The following GFRA1 variants were observed in gnomAD, a reference collection of about 807,000 sequenced individuals.
GFRA1 encodes GDNF family receptor alpha 1, also known as GDNF family receptor alpha-1.
GFRA1 carries 16 observed loss-of-function variants against 51.6 expected under a neutral mutation model. The observed-to-expected ratio is 0.31, with a 90% CI of 0.21 to 0.47. The LOEUF is 0.47. Among genes scored for constraint, GFRA1 ranks in the 20% least tolerant of loss-of-function variants. The pLI, the probability that GFRA1 is intolerant of heterozygous loss-of-function variation, is 1.00. For missense variants in GFRA1, 530 were observed against 594.3 expected (o/e 0.89, Z 1.13); for synonymous variants, 270 against 241.3 (o/e 1.12, Z -1.10).
chr10:116,171,389 G>A (rs1040584709), intron 5 of GFRA1, among the ~76,000 whole-genome samples: 1 of 152,108 alleles, frequency 6.6e-6, no homozygotes, highest in Non-Finnish European at 1.5e-5. Flanking sequence ...AGAGTAGCTT[G>A]GTAATGACAA....
chr10:116,265,102 A>G (rs1969561300), intron 4 of GFRA1, among the ~76,000 whole-genome samples: 1 of 152,202 alleles, frequency 6.6e-6, no homozygotes. Flanking sequence ...AAGAGGCAAG[A>G]CTCAAAAGAG....
In GFRA1 at chr10:116,232,284, G is replaced by A. The variant is rs567338826; in HGVS notation, c.419-20639C>T. Among the ~76,000 whole-genome samples, 11 of 152,312 alleles carry A rather than the reference G, an allele frequency of 7.2e-5. No individual in the cohort carries two copies. In the South Asian group the frequency reaches 1.7e-3, roughly 23 times the overall value. On this transcript the variant is annotated intron_variant, in intron 4 of 10. Transcript: ENST00000355422. The stretch of plus-strand genomic sequence containing the variant: ...TCCCAAGGAATATGCCTTACAGGGT[G>A]TAATCTGGCATCCCTCCAGAATCTT...
chr10:116,233,327 C>CA lies in GFRA1; in HGVS notation c.419-21683dup, dbSNP rs1225948314. Among the ~76,000 whole-genome samples the CA allele has an allele frequency of 6.5e-3, 912 of 141,028 alleles. 3 individuals carry two copies. The highest frequency in any genetic ancestry group is 8.8e-3 in the Non-Finnish European group (570 of 64,452). The allele number at this position is 141,028 out of a possible 152,430, so 92.5% of individuals were successfully genotyped here. On this transcript the variant is annotated intron_variant, in intron 4 of 10. Transcript: ENST00000355422. ...TGGGCGACAGAGTGAGACTCCATCT[C>CA]AAAAAAAAAAAAAATTTTTTAATTG...
intron 4 of GFRA1, among the ~76,000 whole-genome samples, chr10:116,264,429 G>C (rs923964179): frequency 6.6e-6 from 1 of 152,104 alleles, no homozygotes; most frequent in African/African-American, 2.4e-5. Flanking sequence ...GATGCTTGGT[G>C]CTGAGTTGAC....
chr10:116,149,320 A>C (rs1012620720), intron 5 of GFRA1, among the ~76,000 whole-genome samples: 3 of 152,234 alleles, frequency 2.0e-5, no homozygotes, highest in Non-Finnish European at 4.4e-5. Context: ...CTCTTTGCAC[A>C]TTAAAAATCC....
At chr10:116,206,403 C>G (rs1461059347) in intron 5 of GFRA1, among the ~76,000 whole-genome samples, 3 of 152,258 alleles carry the variant, frequency 2.0e-5, no homozygotes. Flanking sequence ...GAGCTCAAGT[C>G]AAGCTCCTGA....
In GFRA1 at chr10:116,105,308, AAATGGAAAT is replaced by A. The variant is rs1329767293; in HGVS notation, c.771-8553_771-8545del. ...TTTTGTGGCTTTTGGCCACAAGAAA[AAATGGAAAT>A]CTAGATGTTCAATGAATCTTTCACC... On this transcript the variant is annotated intron_variant, in intron 6 of 10. Coordinates refer to ENST00000355422, the MANE Select transcript of GFRA1 (RefSeq NM_005264.8). Among the ~76,000 whole-genome samples the A allele has an allele frequency of 5.3e-5, 8 of 152,330 alleles. No individual in the cohort carries two copies. The East Asian group carries it at 1.2e-3, about 22-fold the overall frequency.
intron 9 of GFRA1, among the ~76,000 whole-genome samples, chr10:116,081,677 C>T (rs1357827021): frequency 1.3e-5 from 2 of 151,976 alleles, no homozygotes; most frequent in African/African-American, 2.4e-5. Context: ...TAATGCCTGG[C>T]CATAAAAAGC....
At chr10:116,163,643 C>A (rs570792886) in intron 5 of GFRA1, among the ~76,000 whole-genome samples, 30 of 152,338 alleles carry the variant, frequency 2.0e-4, no homozygotes, top group Non-Finnish European at 3.4e-4. Flanking sequence ...GGGTGGCCTG[C>A]AGCAGGCCCA....
intron 9 of GFRA1, among the ~76,000 whole-genome samples, chr10:116,070,754 G>A (rs1955345252): frequency 6.9e-6 from 1 of 145,960 alleles, no homozygotes; most frequent in South Asian, 2.1e-4. Flanking sequence ...CTAGAAGTCT[G>A]GAGCCTTTTT....
chr10:116,068,284 A>T (rs1955211085), intron 9 of GFRA1, among the ~76,000 whole-genome samples: 1 of 152,232 alleles, frequency 6.6e-6, no homozygotes, highest in South Asian at 2.1e-4. Flanking sequence ...GGTGCTCGGG[A>T]AAGCCCTACA....
intron 5 of GFRA1, among the ~76,000 whole-genome samples, chr10:116,154,314 ACCAAATAT>A (rs1490884866): frequency 6.6e-6 from 1 of 152,218 alleles, no homozygotes; most frequent in Non-Finnish European, 1.5e-5. Flanking sequence ...ACTGGATACG[ACCAAATAT>A]CCAACTGTAG....
intron 5 of GFRA1, among the ~76,000 whole-genome samples, chr10:116,127,958 G>C (rs1194958779): frequency 6.6e-6 from 1 of 152,190 alleles, no homozygotes; most frequent in Non-Finnish European, 1.5e-5. Flanking sequence ...ATGTTGAATG[G>C]CACTTTATAA....
chr10:116,157,019 T>C (rs1959220666), intron 5 of GFRA1, among the ~76,000 whole-genome samples: 1 of 152,176 alleles, frequency 6.6e-6, no homozygotes, highest in Admixed American at 6.5e-5. Context: ...CTTCAAATGA[T>C]CAGACAACAA....
intron 9 of GFRA1, among the ~76,000 whole-genome samples, chr10:116,089,028 A>C (rs1403217918): frequency 6.6e-6 from 1 of 151,378 alleles, no homozygotes; most frequent in Admixed American, 6.6e-5. Context: ...ATGAAAAATC[A>C]ATAAAAAAGC....
intron 5 of GFRA1, among the ~76,000 whole-genome samples, chr10:116,149,996 G>T (rs987739758): frequency 6.6e-6 from 1 of 152,132 alleles, no homozygotes; most frequent in African/African-American, 2.4e-5. Context: ...AATATTTGCT[G>T]ATGGCTTACT....
At chr10:116,199,587 T>A (rs1047541843) in intron 5 of GFRA1, among the ~76,000 whole-genome samples, 1 of 152,198 alleles carries the variant, frequency 6.6e-6, no homozygotes, top group African/African-American at 2.4e-5. Context: ...CACCTCTCTA[T>A]CCATCCAGCA....
At chr10:116,125,166 C>T in intron 6 of GFRA1, 55 bp downstream of exon 6, 2 of 1,475,008 alleles carry the variant, frequency 1.4e-6, no homozygotes, top group Non-Finnish European at 1.9e-6. Flanking sequence ...GCCGAAGCAG[C>T]CGCCAAGACT....
chr10:116,078,051 G>A (rs1356448404), intron 9 of GFRA1, among the ~76,000 whole-genome samples: 2 of 152,174 alleles, frequency 1.3e-5, no homozygotes, highest in African/African-American at 4.8e-5. Flanking sequence ...GATGTAGGGT[G>A]CCACACATAT....
Sources: allele counts gnomAD v4.1 joint callset (sites outside exome capture counted in the v4.1 genomes callset), GRCh38; gene constraint gnomAD v4.1.1; transcripts MANE v1.5; gene names NCBI Gene and HGNC (gene_info 2026-07-23, HGNC 2026-07-21).